The following B3GALT1 variants were observed in gnomAD, a reference collection of about 807,000 sequenced individuals.
B3GALT1 encodes the protein UDP-Gal:betaGlcNAc beta 1,3-galactosyltransferase, polypeptide 1.
A neutral mutation model predicts 23.2 loss-of-function variants in B3GALT1; 10 were observed. That is an observed-to-expected ratio of 0.43 (90% CI 0.27 to 0.73). The LOEUF is 0.73. B3GALT1 is among the 30% of genes least tolerant of loss of function. B3GALT1 has a pLI of 0.21. For missense variants in B3GALT1, 299 were observed against 405.4 expected, an observed-to-expected ratio of 0.74 and a Z score of 2.25; for synonymous variants, 156 against 141.5, an observed-to-expected ratio of 1.10 and a Z score of -0.73.
intron 4 of B3GALT1, among the ~76,000 whole-genome samples, chr2:167,861,408 T>A (rs1052489933): frequency 5.3e-5 from 8 of 152,202 alleles, no homozygotes; most frequent in Non-Finnish European, 1.2e-4. Flanking sequence ...AACCTGTGGC[T>A]CTGGAGGCCG....
At chr2:167,759,700 T>A (rs1480021927) in intron 3 of B3GALT1, among the ~76,000 whole-genome samples, 1 of 152,140 alleles carries the variant, frequency 6.6e-6, no homozygotes, top group Non-Finnish European at 1.5e-5. Flanking sequence ...CCTGAGCTGT[T>A]GCAGCTTCTC....
In B3GALT1 at chr2:167,596,470, C is replaced by T. The variant is rs116674636; in HGVS notation, c.-409-50439C>T. On this transcript the variant is annotated intron_variant, in intron 2 of 4. Transcript: ENST00000392690. ...TAGAACAGGTACCTACATTCCAAGT[C>T]TCATTGTTCTCATCTGAAAAACAAG... Among the ~76,000 whole-genome samples, 848 of 152,292 alleles carry T rather than the reference C, an allele frequency of 5.6e-3. 10 individuals carry two copies. The highest frequency in any genetic ancestry group is 0.019 in the African/African-American group (798 of 41,552).
chr2:167,367,311 A>G (rs1220904110), intron 1 of B3GALT1, among the ~76,000 whole-genome samples: 3 of 152,226 alleles, frequency 2.0e-5, no homozygotes, highest in East Asian at 3.8e-4. Flanking sequence ...CCCTTAAGCA[A>G]TGAAAGCAAA....
In B3GALT1 at chr2:167,440,592, C is replaced by G. The variant is rs187039450; in HGVS notation, c.-510-49585C>G. ...CAGCACATTTTTAATTTTTGTATGG[C>G]CCTGTGATTTTTTCTTTATTTGGTT... On this transcript the variant is annotated intron_variant, in intron 1 of 4. Coordinates refer to ENST00000392690, the MANE Select transcript of B3GALT1 (RefSeq NM_020981.4). Among the ~76,000 whole-genome samples the G allele has an allele frequency of 2.5e-3, 384 of 151,672 alleles. 1 individual carries two copies. Among genetic ancestry groups the G allele is most frequent in the African/African-American group, 8.7e-3 (361 of 41,386 alleles).
intron 3 of B3GALT1, among the ~76,000 whole-genome samples, chr2:167,668,423 C>T (rs1262950120): frequency 2.0e-5 from 3 of 152,160 alleles, no homozygotes; most frequent in Non-Finnish European, 4.4e-5. Flanking sequence ...GCCCTGCCCC[C>T]AGAGGTGGAG....
At chr2:167,787,641 AT>A (rs1195153472) in intron 3 of B3GALT1, among the ~76,000 whole-genome samples, 1 of 152,226 alleles carries the variant, frequency 6.6e-6, no homozygotes, top group Non-Finnish European at 1.5e-5. Flanking sequence ...TGGACATGCC[AT>A]GGTAGAGCAG....
intron 2 of B3GALT1, among the ~76,000 whole-genome samples, chr2:167,509,386 C>G (rs182387032): frequency 6.6e-6 from 1 of 152,058 alleles, no homozygotes; most frequent in African/African-American, 2.4e-5. Flanking sequence ...TAAAAATTTT[C>G]TGGTTTCAGG....
At chr2:167,729,286 A>G (rs996440997) in intron 3 of B3GALT1, among the ~76,000 whole-genome samples, 2 of 152,218 alleles carry the variant, frequency 1.3e-5, no homozygotes, top group Non-Finnish European at 2.9e-5. Flanking sequence ...ATGGTGGAAG[A>G]CAAACATTGT....
At chr2:167,448,724 A>G (rs1364079891) in intron 1 of B3GALT1, among the ~76,000 whole-genome samples, 2 of 152,132 alleles carry the variant, frequency 1.3e-5, no homozygotes, top group Non-Finnish European at 2.9e-5. Flanking sequence ...TAGAATTTTT[A>G]TGGTTTCAGG....
chr2:167,851,043 A>G (rs1689874987), intron 4 of B3GALT1, among the ~76,000 whole-genome samples: 4 of 152,186 alleles, frequency 2.6e-5, no homozygotes, highest in South Asian at 4.1e-4. Flanking sequence ...CTACTTGTCA[A>G]TAGTGCCTAT....
At position 167,411,045 on chromosome 2, in the gene B3GALT1, G is replaced by A. The variant is rs186833971; in HGVS notation, c.-510-79132G>A. Among the ~76,000 whole-genome samples, 739 of 151,646 alleles carry A rather than the reference G, an allele frequency of 4.9e-3. 4 individuals carry two copies. The highest frequency in any genetic ancestry group is 0.021 in the Middle Eastern group (6 of 290). ...CAAAATAAAGTTTGAATCAAAAAATGTATATAAACCTGCTCTAAAAATGTC... is the reference window on the plus strand; with the variant it reads ...CAAAATAAAGTTTGAATCAAAAAATATATATAAACCTGCTCTAAAAATGTC... On this transcript the variant is annotated intron_variant, in intron 1 of 4. Coordinates refer to ENST00000392690, the MANE Select transcript of B3GALT1 (RefSeq NM_020981.4).
intron 3 of B3GALT1, among the ~76,000 whole-genome samples, chr2:167,716,237 T>C (rs1351138831): frequency 1.3e-5 from 2 of 151,708 alleles, no homozygotes; most frequent in Non-Finnish European, 1.5e-5. Context: ...CCCACAGGCC[T>C]CACAGGCCCG....
At chr2:167,709,341 C>G (rs1255562059) in intron 3 of B3GALT1, among the ~76,000 whole-genome samples, 1 of 152,014 alleles carries the variant, frequency 6.6e-6, no homozygotes, top group African/African-American at 2.4e-5. Flanking sequence ...AGCACTGTGC[C>G]CTGTGGACTT....
In B3GALT1 at chr2:167,832,542, C is replaced by G. The variant is rs565247863; in HGVS notation, c.-230+13749C>G. 1.3e-4 allele frequency among the ~76,000 whole-genome samples: 20 copies of G among 152,296 alleles called. No individual in the cohort carries two copies. The South Asian group carries it at 1.4e-3, about 11-fold the overall frequency. On this transcript the variant is annotated intron_variant, in intron 4 of 4. Coordinates refer to ENST00000392690, the MANE Select transcript of B3GALT1 (RefSeq NM_020981.4). ...CATATACTTAAAAATACAAATTTCA[C>G]TGAACAGTTAATATGAGGAGTTTCA...
At chr2:167,446,047 A>T (rs1161338509) in intron 1 of B3GALT1, among the ~76,000 whole-genome samples, 1 of 152,190 alleles carries the variant, frequency 6.6e-6, no homozygotes, top group Non-Finnish European at 1.5e-5. Flanking sequence ...GAGCTCTTCT[A>T]AGGCAGACCT....
intron 2 of B3GALT1, among the ~76,000 whole-genome samples, chr2:167,565,629 A>G (rs377201800): frequency 0.03 from 4,628 of 152,334 alleles, 112 homozygotes; most frequent in Middle Eastern, 0.11. Context: ...GCTAATATCC[A>G]GAATCTACAA....
chr2:167,317,612 AT>A (rs1696739537), intron 1 of B3GALT1, among the ~76,000 whole-genome samples: 1 of 152,090 alleles, frequency 6.6e-6, no homozygotes, highest in Admixed American at 6.5e-5. Context: ...TATATTCCAT[AT>A]TTACATCCAG....
chr2:167,777,600 G>A (rs1053302631), intron 3 of B3GALT1, among the ~76,000 whole-genome samples: 4 of 152,036 alleles, frequency 2.6e-5, no homozygotes, highest in East Asian at 1.9e-4. Flanking sequence ...CACCCGCCTC[G>A]GCCTCCCAAA....
intron 2 of B3GALT1, among the ~76,000 whole-genome samples, chr2:167,581,910 G>T (rs1197113308): frequency 6.6e-6 from 1 of 152,112 alleles, no homozygotes; most frequent in Non-Finnish European, 1.5e-5. Flanking sequence ...TGTTTATTTT[G>T]TTAAGAACGG....
Sources: gnomAD v4.1 joint callset for allele counts (sites outside exome capture counted in the v4.1 genomes callset) on GRCh38, gnomAD v4.1.1 for gene constraint, MANE v1.5 for transcripts, NCBI Gene and HGNC (gene_info 2026-07-23, HGNC 2026-07-21) for gene names.